Variants in SLC6A3 observed in about 807,000 individuals in gnomAD.
SLC6A3 encodes solute carrier family 6 member 3.
In SLC6A3, 19 loss-of-function variants were observed where a neutral mutation model predicts 70.4. That is an observed-to-expected ratio of 0.27 (90% CI 0.19 to 0.40). The LOEUF is 0.40. Among genes scored for constraint, SLC6A3 ranks in the 10% least tolerant of loss-of-function variants. The pLI is 1.00. For synonymous variants in SLC6A3, 368 were observed against 356.6 expected (o/e 1.03, Z -0.36); for missense variants, 613 against 838.5 (o/e 0.73, Z 3.32).
chr5:1,424,430 C>T (rs1418746053), intron 4 of SLC6A3, among the ~76,000 whole-genome samples: 1 of 152,212 alleles, frequency 6.6e-6, no homozygotes, highest in Non-Finnish European at 1.5e-5. Flanking sequence ...TGAGGCCTCC[C>T]AGCAACTTTG....
chr5:1,420,498 G>T (rs1756407342), intron 6 of SLC6A3, 71 bp downstream of exon 6: 8 of 1,574,204 alleles, frequency 5.1e-6, no homozygotes, highest in Non-Finnish European at 7.0e-6. Flanking sequence ...GCCCTGGCAG[G>T]CAATGCATAT....
rs760385170 is a variant in SLC6A3 at position 1,408,203 on chromosome 5, A to ATT, written c.1498+821_1498+822dup. Among the ~76,000 whole-genome samples, 3,492 of 131,504 alleles carry ATT rather than the reference A, an allele frequency of 0.027. 193 individuals are homozygous for ATT. Among genetic ancestry groups the ATT allele is most frequent in the African/African-American group, 0.095 (3,254 of 34,262 alleles). The allele number at this position is 131,504 out of a possible 152,430, so 86.3% of individuals were successfully genotyped here. A position where few individuals can be genotyped will look rare whatever the true frequency, so the allele number is the denominator to read the frequency against. ...AGCCTTGTGCCACCACACCCGGCTA[A>ATT]TTTTTTTTTTTTTTTTTTTTAGTAA... On this transcript the variant is annotated intron_variant, in intron 11 of 14. Transcript: ENST00000270349. This position sits in a 1 kb window ranked among gnomAD's most constrained non-coding sequence, Gnocchi z 6.4.
chr5:1,429,695 C>G (rs1271354608), intron 4 of SLC6A3, among the ~76,000 whole-genome samples: 1 of 152,194 alleles, frequency 6.6e-6, no homozygotes, highest in African/African-American at 2.4e-5. Flanking sequence ...GCGTTGGGTA[C>G]CGGGAACTCT....
intron 10 of SLC6A3, 83 bp from the exon 11 acceptor site, chr5:1,409,208 A>T (rs901703606): frequency 9.9e-7 from 1 of 1,012,672 alleles, no homozygotes; most frequent in African/African-American, 1.6e-5. Flanking sequence ...GTGCACACAA[A>T]TTGTTTCACT....
chr5:1,414,654 A>G (rs747979729), intron 8 of SLC6A3, 37 bp downstream of exon 8: 13 of 1,609,308 alleles, frequency 8.1e-6, no homozygotes, highest in Non-Finnish European at 1.1e-5. Context: ...CGCTGGTGCT[A>G]CACGGAGCAG....
chr5:1,416,436 T>C (rs1756293569), intron 6 of SLC6A3: 2 of 598,664 alleles, frequency 3.3e-6, no homozygotes, highest in Non-Finnish European at 5.9e-6. Context: ...TTCATTGATC[T>C]GGGATTCCCC....
rs1002810411 is a variant in SLC6A3, at chr5:1,421,960, C to T, written c.708G>A (p.Pro236=). The T allele has an allele frequency of 1.1e-5, 18 of 1,613,048 alleles. No homozygotes were observed. Among genetic ancestry groups the T allele is most frequent in the African/African-American group, 2.7e-5 (2 of 74,932 alleles). Residue 236 remains proline, a synonymous_variant, in exon 5 of 15, where the codon CCG becomes CCA. Coordinates refer to ENST00000270349, the MANE Select transcript of SLC6A3 (RefSeq NM_001044.5). This position sits in a 1 kb window ranked among gnomAD's most constrained non-coding sequence, Gnocchi z 7.2. ...QSHGIDDLGP[P]RWQLTACLVL... is the part of the protein sequence containing the mutation. Reference sequence around the variant, plus strand: ...CCAGGCAGGCTGTGAGCTGCCACCGCGGAGGCCCCAGGTCGTCGATGCCAT... The same window carrying T: ...CCAGGCAGGCTGTGAGCTGCCACCGTGGAGGCCCCAGGTCGTCGATGCCAT...
rs1755746386 is a variant in SLC6A3, at chr5:1,397,408, G to A, written c.1840-2650C>T. Among the ~76,000 whole-genome samples, 1 of 152,176 alleles carries A rather than the reference G, an allele frequency of 6.6e-6. No homozygotes were observed. The highest frequency in any genetic ancestry group is 1.5e-5 in the Non-Finnish European group (1 of 68,042). ...ATTGCGCCACTGCACTCCAGCCTGG[G>A]CTACAGAGCGAGACTCCGTCTCAAA... On this transcript the variant is annotated intron_variant, in intron 14 of 14. Transcript: ENST00000270349. The surrounding 1 kb of genome is among the most constrained non-coding windows in gnomAD (Gnocchi z 4.7).
At chr5:1,403,930 A>G (rs1755910482) in intron 12 of SLC6A3, among the ~76,000 whole-genome samples, 1 of 152,190 alleles carries the variant, frequency 6.6e-6, no homozygotes, top group African/African-American at 2.4e-5. Flanking sequence ...TATGCACCTC[A>G]CACCTGAATG....
Position 1,441,349 on chromosome 5 carries a change from C to T in SLC6A3, c.418+10G>A, listed in dbSNP as rs570917907. ...CTGCGCCAGGGTGAAGGGAGGCACC[C>T]GCATATTACCTTTCAGTATGGGGCA... On this transcript the variant is annotated intron_variant, in intron 3 of 14. Transcript: ENST00000270349. The T allele has an allele frequency of 2.0e-5, 32 of 1,614,202 alleles. No homozygotes were observed. The highest frequency in any genetic ancestry group is 8.9e-5 in the East Asian group (4 of 44,882).
In SLC6A3 at chr5:1,408,617, C is replaced by T. The variant is rs1756043157; in HGVS notation, c.1498+409G>A. ...CCCCGTTCGAGCGCCGCCCGCTGAT[C>T]ATCAGGTCCCGACTGCTCTGGAGCT... On this transcript the variant is annotated intron_variant, in intron 11 of 14. Coordinates refer to ENST00000270349, the MANE Select transcript of SLC6A3 (RefSeq NM_001044.5). The surrounding 1 kb of genome is among the most constrained non-coding windows in gnomAD (Gnocchi z 6.4). 6.6e-6 allele frequency among the ~76,000 whole-genome samples: 1 copy of T among 152,186 alleles called. No individual in the cohort carries two copies. Among genetic ancestry groups the T allele is most frequent in the Non-Finnish European group, 1.5e-5 (1 of 68,040 alleles).
In SLC6A3 at chr5:1,404,834, C is replaced by T. The variant is rs933800655; in HGVS notation, c.1599+1354G>A. On this transcript the variant is annotated intron_variant, in intron 12 of 14. Coordinates refer to ENST00000270349, the MANE Select transcript of SLC6A3 (RefSeq NM_001044.5). The surrounding 1 kb of genome is among the most constrained non-coding windows in gnomAD (Gnocchi z 5.2). ...GTTTGTAGTTTTATCTAAAAGTCTACGAAGTGTGTTTCTGTATGAAGTTCG... is the reference window on the plus strand; with the variant it reads ...GTTTGTAGTTTTATCTAAAAGTCTATGAAGTGTGTTTCTGTATGAAGTTCG... Among the ~76,000 whole-genome samples, 3 of 152,318 alleles carry T rather than the reference C, an allele frequency of 2.0e-5. No homozygotes were observed. The highest frequency in any genetic ancestry group is 6.5e-5 in the Admixed American group (1 of 15,306).
At chr5:1,431,827 C>G (rs1756713285) in intron 4 of SLC6A3, among the ~76,000 whole-genome samples, 1 of 152,122 alleles carries the variant, frequency 6.6e-6, no homozygotes, top group South Asian at 2.1e-4. Context: ...CAGGAGGCTG[C>G]TGGACATGGG....
In SLC6A3 at chr5:1,421,961, G is replaced by A. The variant is rs760467074; in HGVS notation, c.707C>T (p.Pro236Leu). 1.2e-5 allele frequency: 20 copies of A among 1,613,000 alleles called. No individual in the cohort carries two copies. The highest frequency in any genetic ancestry group is 4.5e-5 in the East Asian group (2 of 44,902). Residue 236 changes from proline to leucine, a missense_variant, in exon 5 of 15, where the codon CCG becomes CTG. Physicochemically the swap from Pro to Leu is moderately conservative, Grantham distance 98. Coordinates refer to ENST00000270349, the MANE Select transcript of SLC6A3 (RefSeq NM_001044.5). This position sits in a 1 kb window ranked among gnomAD's most constrained non-coding sequence, Gnocchi z 7.2. ...CAGGCAGGCTGTGAGCTGCCACCGC[G>A]GAGGCCCCAGGTCGTCGATGCCATG... is the stretch of plus-strand genomic sequence containing the variant. Reference protein sequence around the residue: ...QSHGIDDLGPPRWQLTACLVL... With the variant: ...QSHGIDDLGPLRWQLTACLVL...
rs1287041730 is a variant in SLC6A3 at position 1,421,178 on chromosome 5, G to T, written c.793-475C>A. ...GGTTTTGGCCCATATAACAACCAAA[G>T]TTTTTTTTTTTTTTTTGAGATGGAG... is the stretch of plus-strand genomic sequence containing the variant. On this transcript the variant is annotated intron_variant, in intron 5 of 14. Coordinates refer to ENST00000270349, the MANE Select transcript of SLC6A3 (RefSeq NM_001044.5). This position sits in a 1 kb window ranked among gnomAD's most constrained non-coding sequence, Gnocchi z 7.2. Among the ~76,000 whole-genome samples, 1 of 137,980 alleles carries T rather than the reference G, an allele frequency of 7.2e-6. No individual in the cohort carries two copies. The highest frequency in any genetic ancestry group is 1.6e-5 in the Non-Finnish European group (1 of 64,504). The allele number at this position is 137,980 out of a possible 152,430, so 90.5% of individuals were successfully genotyped here. A position where few individuals can be genotyped will look rare whatever the true frequency, so the allele number is the denominator to read the frequency against.
chr5:1,401,011 G>T lies in SLC6A3; in HGVS notation c.1768-25C>A, dbSNP rs767714376. 5.1e-6 allele frequency: 8 copies of T among 1,563,084 alleles called. No individual in the cohort carries two copies. The highest frequency in any genetic ancestry group is 7.0e-6 in the Non-Finnish European group (8 of 1,145,332). ...TCTGAAAGAGAAAGAGAGTGCAGGG[G>T]TCAGTGCAGACCAGTACCCACTGCC... is the stretch of plus-strand genomic sequence containing the variant. On this transcript the variant is annotated intron_variant, in intron 13 of 14. Coordinates refer to ENST00000270349, the MANE Select transcript of SLC6A3 (RefSeq NM_001044.5). The surrounding 1 kb of genome is among the most constrained non-coding windows in gnomAD (Gnocchi z 6.1).
chr5:1,441,087 A>G (rs1733647496), intron 3 of SLC6A3, among the ~76,000 whole-genome samples: 1 of 152,280 alleles, frequency 6.6e-6, no homozygotes, highest in African/African-American at 2.4e-5. Context: ...ATAGATAGAC[A>G]TGTGTTTTAT....
chr5:1,430,723 G>T (rs1353008819), intron 4 of SLC6A3, among the ~76,000 whole-genome samples: 1 of 152,102 alleles, frequency 6.6e-6, no homozygotes, highest in Non-Finnish European at 1.5e-5. Flanking sequence ...CGCCCCGAAG[G>T]TGCCCTTGCA....
rs1026145292 is a variant in SLC6A3, at chr5:1,414,792, A to G, written c.1055T>C (p.Ile352Thr). ...GGAGGAGAAGCTCGTCAGGGAGTTG[A>G]TGGAGGTGGTGACAATCGCGTCCCT... is the stretch of plus-strand genomic sequence containing the variant. ...CYRDAIVTTS[I>T]NSLTSFSSGF... The change falls in exon 8 of 15, where the codon ATC (isoleucine) becomes ACC (threonine). Residue 352 changes from isoleucine to threonine, a missense_variant. Around this residue, in one of 4 missense-constraint regions of SLC6A3, gnomAD observed 348 missense variants for 481.2 expected, o/e 0.72. Coordinates refer to ENST00000270349, the MANE Select transcript of SLC6A3 (RefSeq NM_001044.5). The G allele has an allele frequency of 6.2e-7, 1 of 1,612,772 alleles. No homozygotes were observed. The highest frequency in any genetic ancestry group is 1.3e-5 in the African/African-American group (1 of 74,860).
Sources: gnomAD v4.1 joint callset for allele counts (sites outside exome capture counted in the v4.1 genomes callset) on GRCh38, gnomAD v4.1.1 for gene constraint, gnomAD v4.1.1 regional missense constraint, Gnocchi (gnomAD v3.1) non-coding constraint, MANE v1.5 for transcripts, NCBI Gene and HGNC (gene_info 2026-07-23, HGNC 2026-07-21) for gene names.